DISP2: variants seen among roughly 807,000 people sequenced by gnomAD.
The protein encoded by DISP2 is protein dispatched homolog 2.
Under a neutral mutation model 95.5 loss-of-function variants are expected in DISP2, and 59 were observed. That is an observed-to-expected ratio of 0.62 (90% confidence interval 0.50 to 0.77). The LOEUF is 0.77. Among genes scored for constraint, DISP2 ranks in the 30% least tolerant of loss-of-function variants. DISP2 has a pLI of 0.00. For synonymous variants in DISP2, 827 were observed against 815.0 expected, an observed-to-expected ratio of 1.01 and a Z score of -0.25; for missense variants, 1,752 against 1,854.6, an observed-to-expected ratio of 0.94 and a Z score of 1.02.
In DISP2 at chr15:40,367,958, C is replaced by T; in HGVS notation, c.1846C>T (p.Arg616Cys). The change falls in exon 8 of 8, where the codon CGC becomes TGC. Residue 616 changes from arginine to cysteine, a missense_variant. Transcript: ENST00000267889. ...CTACCTGAGCCGCCTGCCGGCCGTTCGCTGCCTCGCCCTCTTCATGGGCAC... is the reference window on the plus strand; with the variant it reads ...CTACCTGAGCCGCCTGCCGGCCGTTTGCTGCCTCGCCCTCTTCATGGGCAC... ...ASYLSRLPAV[R>C]CLALFMGTAV... 3 of 1,575,316 alleles carry T rather than the reference C, an allele frequency of 1.9e-6. No homozygotes were observed. Among genetic ancestry groups the T allele is most frequent in the Non-Finnish European group, 2.6e-6 (3 of 1,168,644 alleles).
Position 40,369,763 on chromosome 15 carries a change from G to A in DISP2, c.3651G>A (p.Leu1217=). The change falls in exon 8 of 8, where the codon CTG becomes CTA. Residue 1217 remains leucine, a synonymous_variant. Coordinates refer to ENST00000267889, the MANE Select transcript of DISP2 (RefSeq NM_033510.3). ...CAGCCCCTGCCTCCCCAAGGGAGCT[G>A]CTGCTGGACCACCAGGCAGTCTTCA... ...PPPAPASPRE[L]LLDHQAVFSQ... is the part of the protein sequence containing the mutation. 1 of 1,606,274 alleles carries A rather than the reference G, an allele frequency of 6.2e-7. No individual in the cohort carries two copies. The highest frequency in any genetic ancestry group is 8.5e-7 in the Non-Finnish European group (1 of 1,176,950).
In DISP2 at chr15:40,367,579, G is replaced by T; in HGVS notation, c.1467G>T (p.Thr489=). ...TGAGGCACTTCCTGGTCCAGGACAC[G>T]GTGTACCCCTTGCTGGCTCTGGTTG... ...ELLRHFLVQD[T]VYPLLALVAI... The change falls in exon 8 of 8, where the codon ACG becomes ACT. Residue 489 remains threonine, a synonymous_variant. Transcript: ENST00000267889. The T allele has an allele frequency of 6.2e-7, 1 of 1,613,918 alleles. No homozygotes were observed. The highest frequency in any genetic ancestry group is 8.5e-7 in the Non-Finnish European group (1 of 1,179,996).
rs1226915012 is a variant in DISP2, at chr15:40,370,196, T to A, written c.4084T>A (p.Ser1362Thr). The change falls in exon 8 of 8, where the codon TCC (serine) becomes ACC (threonine). Residue 1362 changes from serine to threonine, a missense_variant. Physicochemically the swap from Ser to Thr is moderately conservative, Grantham distance 58. Coordinates refer to ENST00000267889, the MANE Select transcript of DISP2 (RefSeq NM_033510.3). The stretch of plus-strand genomic sequence containing the variant: ...GCCCGCTTCCCATCACAGCAGCTTG[T>A]CCTGGAAGGGCCGAGGGGGGCCAGG... ...SLPASHHSSL[S>T]WKGRGGPGDG... 6.2e-6 allele frequency: 10 copies of A among 1,611,816 alleles called. No homozygotes were observed. The highest frequency in any genetic ancestry group is 8.5e-6 in the Non-Finnish European group (10 of 1,179,320).
chr15:40,370,874 C>G lies in DISP2; in HGVS notation c.*556C>G. The G allele has an allele frequency of 3.4e-6, 1 of 293,744 alleles. No homozygotes were observed. The highest frequency in any genetic ancestry group is 3.1e-5 in the South Asian group (1 of 32,464). 18.2% of individuals were successfully genotyped at this position (293,744 alleles called of 1,614,324 possible). A position where few individuals can be genotyped will look rare whatever the true frequency, so the allele number is the denominator to read the frequency against. ...CTCTCCCCAACTGCCCTGCTCTCCT[C>G]ATACTCACCGGTTTGACCAGAAATT... On this transcript the variant is annotated 3_prime_UTR_variant, in exon 8 of 8. Coordinates refer to ENST00000267889, the MANE Select transcript of DISP2 (RefSeq NM_033510.3).
At position 40,365,239 on chromosome 15, in the gene DISP2, A is replaced by G; in HGVS notation, c.812A>G (p.Asp271Gly). The G allele has an allele frequency of 6.2e-7, 1 of 1,614,016 alleles. No homozygotes were observed. Among genetic ancestry groups the G allele is most frequent in the Non-Finnish European group, 8.5e-7 (1 of 1,180,034 alleles). Reference sequence around the variant, plus strand: ...CGGAGAATGGTGGAGCCCCTGGAGGACAGAAGGCAAGAGAACTTCTTCTGT... The same window carrying G: ...CGGAGAATGGTGGAGCCCCTGGAGGGCAGAAGGCAAGAGAACTTCTTCTGT... ...RPRRMVEPLE[D>G]RRQENFFCGP... The change falls in exon 6 of 8, where the codon GAC becomes GGC. Residue 271 changes from aspartate (D) to glycine (G), a missense_variant. Transcript: ENST00000267889.
Position 40,363,612 on chromosome 15 carries a change from C to T in DISP2, c.120-13C>T, listed in dbSNP as rs202103960. ...TCCCCCACCCCAATCTTCCTTGTCT[C>T]CTCTCTTCCTAGCACCCAGACCAAG... On this transcript the variant is annotated splice_polypyrimidine_tract_variant and intron_variant, in intron 1 of 7. Coordinates refer to ENST00000267889, the MANE Select transcript of DISP2 (RefSeq NM_033510.3). The T allele has an allele frequency of 1.2e-4, 188 of 1,511,336 alleles. No individual in the cohort carries two copies. Among genetic ancestry groups the T allele is most frequent in the Admixed American group, 4.8e-4 (21 of 44,162 alleles). 93.6% of individuals were successfully genotyped at this position (1,511,336 alleles called of 1,614,324 possible).
chr15:40,358,385 G>T lies in DISP2; in HGVS notation c.64G>T (p.Gly22Trp). 1 of 1,358,106 alleles carries T rather than the reference G, an allele frequency of 7.4e-7. No individual in the cohort carries two copies. 84.1% of individuals were successfully genotyped at this position (1,358,106 alleles called of 1,614,324 possible). Residue 22 changes from glycine (G) to tryptophan (W), a missense_variant, in exon 1 of 8, where the codon GGG becomes TGG. By Grantham distance (184) the Gly-to-Trp change is radical. Coordinates refer to ENST00000267889, the MANE Select transcript of DISP2 (RefSeq NM_033510.3). Reference protein sequence around the residue: ...SGPAPGPGPEGEQRPEGEPLA... With the variant: ...SGPAPGPGPEWEQRPEGEPLA... ...TCCGGCTCCCGGCCCGGGTCCGGAA[G>T]GGGAGCAACGGCCCGAGGGGGAGCC...
At chr15:40,361,057 T>C (rs1340134729) in intron 1 of DISP2, among the ~76,000 whole-genome samples, 1 of 152,172 alleles carries the variant, frequency 6.6e-6, no homozygotes, top group Non-Finnish European at 1.5e-5. Context: ...GCCTACAGAG[T>C]ATTTTATCTG....
intron 1 of DISP2, among the ~76,000 whole-genome samples, chr15:40,361,663 G>GGAAA (rs751633430): frequency 6.6e-6 from 1 of 152,274 alleles, no homozygotes; most frequent in African/African-American, 2.4e-5. Flanking sequence ...CATCCTTCTG[G>GGAAA]GAAAGAAAGA....
chr15:40,365,289 G>T lies in DISP2; in HGVS notation c.847+15G>T. 6.2e-7 allele frequency: 1 copy of T among 1,612,950 alleles called. No individual in the cohort carries two copies. Among genetic ancestry groups the T allele is most frequent in the African/African-American group, 1.3e-5 (1 of 75,024 alleles). On this transcript the variant is annotated intron_variant, in intron 6 of 7. Transcript: ENST00000267889. ...TGGCCCCCCTGGTAAGCTGCAGCCT[G>T]GCCAGTTCCTGGTTTTAATAGTGGT...
chr15:40,363,842 G>A lies in DISP2; in HGVS notation c.337G>A (p.Asp113Asn). 1 of 1,610,976 alleles carries A rather than the reference G, an allele frequency of 6.2e-7. No homozygotes were observed. The highest frequency in any genetic ancestry group is 8.5e-7 in the Non-Finnish European group (1 of 1,177,946). ...QGGSSLPGLG[D>N]RAALCSHGSS... is the part of the protein sequence containing the mutation. ...GGGCAGTTCCCTGCCAGGACTTGGG[G>A]ATCGGGCAGCTCTCTGCTCCCACGG... Residue 113 changes from aspartate to asparagine, a missense_variant, in exon 2 of 8, where the codon GAT becomes AAT. Coordinates refer to ENST00000267889, the MANE Select transcript of DISP2 (RefSeq NM_033510.3).
At position 40,368,228 on chromosome 15, in the gene DISP2, T is replaced by C. The variant is rs752466399; in HGVS notation, c.2116T>C (p.Trp706Arg). ...CGGCGTCATCAAGTTCCGCTACATC[T>C]GGATCTGCTGGTTCGCAGCACTGGC... ...PCGVIKFRYIWICWFAALAAG... is the reference protein window; with the variant it reads ...PCGVIKFRYIRICWFAALAAG... Residue 706 changes from tryptophan (W) to arginine (R), a missense_variant, in exon 8 of 8, where the codon TGG (tryptophan) becomes CGG (arginine). By Grantham distance (101) the Trp-to-Arg change is moderately radical. This residue lies in a region of DISP2 where 732 missense variants were observed against 714.6 expected (regional missense o/e 1.02). Coordinates refer to ENST00000267889, the MANE Select transcript of DISP2 (RefSeq NM_033510.3). 5.6e-6 allele frequency: 9 copies of C among 1,610,684 alleles called. No homozygotes were observed. Among genetic ancestry groups the C allele is most frequent in the Non-Finnish European group, 8.5e-7 (1 of 1,179,130 alleles).
Position 40,369,197 on chromosome 15 carries a change from T to A in DISP2, c.3085T>A (p.Ser1029Thr). ...ALFLSASVGL[S>T]VDFTVNYCIS... ...GTTTCTCTCTGCCTCAGTGGGCCTCTCAGTAGACTTCACTGTCAACTACTG... is the reference window on the plus strand; with the variant it reads ...GTTTCTCTCTGCCTCAGTGGGCCTCACAGTAGACTTCACTGTCAACTACTG... Residue 1029 changes from serine to threonine, a missense_variant, in exon 8 of 8, where the codon TCA becomes ACA. This residue lies in a region of DISP2 where 317 missense variants were observed against 394.9 expected (regional missense o/e 0.80). Coordinates refer to ENST00000267889, the MANE Select transcript of DISP2 (RefSeq NM_033510.3). 1 of 1,613,958 alleles carries A rather than the reference T, an allele frequency of 6.2e-7. No homozygotes were observed.
At chr15:40,364,780 A>C (rs1889469298) in intron 4 of DISP2, 58 bp from the exon 5 acceptor site, 2 of 1,541,704 alleles carry the variant, frequency 1.3e-6, no homozygotes, top group Non-Finnish European at 1.8e-6. Flanking sequence ...GCTGAGAAGC[A>C]CCCAAATGGA....
chr15:40,369,801 C>T lies in DISP2; in HGVS notation c.3689C>T (p.Ala1230Val). The change falls in exon 8 of 8, where the codon GCC becomes GTC. Residue 1230 changes from alanine to valine, a missense_variant. Transcript: ENST00000267889. ...CAGGCAGTCTTCAGCCAGTGCCCTG[C>T]CCTGCAGACCTCCTCCCCCTATAAG... is the stretch of plus-strand genomic sequence containing the variant. ...DHQAVFSQCP[A>V]LQTSSPYKQA... is the part of the protein sequence containing the mutation. 1.3e-6 allele frequency: 2 copies of T among 1,596,998 alleles called. No homozygotes were observed. The highest frequency in any genetic ancestry group is 1.7e-6 in the Non-Finnish European group (2 of 1,169,928).
At chr15:40,365,321 C>T in intron 6 of DISP2, 47 bp downstream of exon 6, 1 of 1,602,642 alleles carries the variant, frequency 6.2e-7, no homozygotes, top group Non-Finnish European at 8.5e-7. Context: ...TGGTCCCCAC[C>T]CCACCTAGTA....
chr15:40,365,513 C>A, intron 6 of DISP2, 115 bp from the exon 7 acceptor site: 3 of 1,350,202 alleles, frequency 2.2e-6, no homozygotes, highest in Non-Finnish European at 2.1e-6. Context: ...CATGCACAGG[C>A]TTGAGATGCC....
intron 1 of DISP2, 142 bp from the exon 2 acceptor site, chr15:40,363,483 C>G: frequency 1.6e-6 from 1 of 628,422 alleles, no homozygotes; most frequent in Non-Finnish European, 2.6e-6. Flanking sequence ...GCCTCCTCAC[C>G]TCTCACTTCT....
In DISP2 at chr15:40,369,035, G is replaced by C; in HGVS notation, c.2923G>C (p.Ala975Pro). 1 of 1,613,942 alleles carries C rather than the reference G, an allele frequency of 6.2e-7. No individual in the cohort carries two copies. The highest frequency in any genetic ancestry group is 8.5e-7 in the Non-Finnish European group (1 of 1,180,036). Residue 975 changes from alanine to proline, a missense_variant, in exon 8 of 8, where the codon GCC becomes CCC. Coordinates refer to ENST00000267889, the MANE Select transcript of DISP2 (RefSeq NM_033510.3). ...GGTGCTGGGCCTGGCTTTGGCGCTGGCCTTTGCCACACTGCTCCTGGGCAC... is the reference window on the plus strand; with the variant it reads ...GGTGCTGGGCCTGGCTTTGGCGCTGCCCTTTGCCACACTGCTCCTGGGCAC... ...AVVLGLALALAFATLLLGTWN... is the reference protein window; with the variant it reads ...AVVLGLALALPFATLLLGTWN...
Sources: allele counts gnomAD v4.1 joint callset (sites outside exome capture counted in the v4.1 genomes callset), GRCh38; gene constraint gnomAD v4.1.1; regional missense constraint gnomAD v4.1.1; transcripts MANE v1.5; gene names NCBI Gene and HGNC (gene_info 2026-07-23, HGNC 2026-07-21).